The following EDNRA variants were observed in gnomAD, a reference collection of about 807,000 sequenced individuals.
The protein encoded by EDNRA is endothelin-1 receptor.
EDNRA carries 11 observed loss-of-function variants against 41.4 expected under a neutral mutation model. That is an observed-to-expected ratio of 0.27 (90% CI 0.17 to 0.44). The LOEUF (loss-of-function observed/expected upper bound fraction) is 0.44, where lower values mean the gene tolerates loss of function less well. EDNRA is among the 20% of genes least tolerant of loss of function. The pLI is 1.00. For synonymous variants in EDNRA, 172 were observed against 183.0 expected (o/e 0.94, Z 0.49); for missense variants, 294 against 531.0 (o/e 0.55, Z 4.39).
chr4:147,503,699 G>A (rs191287253), intron 2 of EDNRA, among the ~76,000 whole-genome samples: 108 of 152,290 alleles, frequency 7.1e-4, no homozygotes, highest in Middle Eastern at 3.4e-3. Flanking sequence ...GACAAGCTAT[G>A]TGACCTTCAG....
At chr4:147,520,513 T>C (rs1578801836) in intron 3 of EDNRA, 2 of 516,330 alleles carry the variant, frequency 3.9e-6, no homozygotes, top group East Asian at 5.5e-5. Context: ...TCCCGAAGTC[T>C]TTCCAGAATC....
At chr4:147,490,037 T>A (rs1228905068) in intron 2 of EDNRA, 1 of 152,152 alleles carries the variant, frequency 6.6e-6, no homozygotes, top group African/African-American at 2.4e-5. Flanking sequence ...CTGAAGCATT[T>A]ACAGATCCTA....
intron 4 of EDNRA, among the ~76,000 whole-genome samples, chr4:147,533,870 A>T (rs1002435611): frequency 2.0e-5 from 3 of 152,200 alleles, no homozygotes; most frequent in African/African-American, 7.2e-5. Context: ...GTTCAAGTAA[A>T]GGGTAGCTAC....
Position 147,542,459 on chromosome 4 carries a change from A to C in EDNRA, c.1144-19A>C, listed in dbSNP as rs758914353. 2 of 1,613,942 alleles carry C rather than the reference A, an allele frequency of 1.2e-6. No individual in the cohort carries two copies. Among genetic ancestry groups the C allele is most frequent in the Non-Finnish European group, 1.7e-6 (2 of 1,179,912 alleles). On this transcript the variant is annotated intron_variant, in intron 7 of 7. Transcript: ENST00000651419. ...GGGCTGGTAGGCTCGCCTTACTTCG[A>C]GTCTGTTCCTTCCCCCAGTCATGCC...
chr4:147,536,514 G>A (rs1184326069), intron 5 of EDNRA, among the ~76,000 whole-genome samples: 1 of 152,136 alleles, frequency 6.6e-6, no homozygotes, highest in Non-Finnish European at 1.5e-5. Context: ...TGGATGAGGG[G>A]GATTGAACCA....
intron 5 of EDNRA, among the ~76,000 whole-genome samples, chr4:147,538,196 A>G (rs1730978265): frequency 6.6e-6 from 1 of 152,146 alleles, no homozygotes; most frequent in Admixed American, 6.5e-5. Context: ...CTTCAGTCTC[A>G]GGAGACTGTA....
Position 147,532,699 on chromosome 4 carries a change from A to C in EDNRA, c.742A>C (p.Met248Leu). 4 of 1,614,106 alleles carry C rather than the reference A, an allele frequency of 2.5e-6. No homozygotes were observed. The South Asian group carries it at 4.4e-5, about 18-fold the overall frequency. ...TCMLNATSKF[M>L]EFYQDVKDWW... ...TATGCTCAATGCCACATCAAAATTC[A>C]TGGAGGTACTAAACGTTTAAAAGGA... The change falls in exon 4 of 8, where the codon ATG becomes CTG. Residue 248 changes from methionine (M) to leucine (L), a missense_variant. This residue lies in a region of EDNRA where 185 missense variants were observed against 390.8 expected (regional missense o/e 0.47). Coordinates refer to ENST00000651419, the MANE Select transcript of EDNRA (RefSeq NM_001957.4).
At chr4:147,497,547 G>A (rs1477779840) in intron 2 of EDNRA, among the ~76,000 whole-genome samples, 1 of 151,986 alleles carries the variant, frequency 6.6e-6, no homozygotes, top group Non-Finnish European at 1.5e-5. Flanking sequence ...CTGGATACCA[G>A]CGGAGTTTTA....
intron 2 of EDNRA, among the ~76,000 whole-genome samples, chr4:147,487,379 C>G (rs1246618319): frequency 6.6e-6 from 1 of 152,216 alleles, no homozygotes; most frequent in African/African-American, 2.4e-5. Flanking sequence ...TTCAGATATA[C>G]TAAAATTCAA....
intron 1 of EDNRA, among the ~76,000 whole-genome samples, chr4:147,484,906 C>T (rs1728891568): frequency 6.6e-6 from 1 of 152,074 alleles, no homozygotes; most frequent in Non-Finnish European, 1.5e-5. Flanking sequence ...TGGTGTTAAC[C>T]AGAGTTCTCA....
Position 147,543,237 on chromosome 4 carries a change from T to G in EDNRA, c.*619T>G, listed in dbSNP as rs932625725. 1 of 152,154 alleles carries G rather than the reference T, an allele frequency of 6.6e-6. No individual in the cohort carries two copies. Among genetic ancestry groups the G allele is most frequent in the South Asian group, 2.1e-4 (1 of 4,824 alleles). 9.4% of individuals were successfully genotyped at this position (152,154 alleles called of 1,614,324 possible). A position where few individuals can be genotyped will look rare whatever the true frequency, so the allele number is the denominator to read the frequency against. On this transcript the variant is annotated 3_prime_UTR_variant, in exon 8 of 8. Transcript: ENST00000651419. ...ATTAGATTAGTATTTTCCACGTCACTGTTTATTTTTTTAAAACACAAATTC... is the reference window on the plus strand; with the variant it reads ...ATTAGATTAGTATTTTCCACGTCACGGTTTATTTTTTTAAAACACAAATTC...
At chr4:147,524,926 A>T (rs1325680582) in intron 3 of EDNRA, among the ~76,000 whole-genome samples, 2 of 152,218 alleles carry the variant, frequency 1.3e-5, no homozygotes, top group Non-Finnish European at 2.9e-5. Context: ...AAAATAAAAA[A>T]CACTTTTTAA....
chr4:147,532,280 G>C (rs1730774691), intron 3 of EDNRA, among the ~76,000 whole-genome samples: 1 of 144,740 alleles, frequency 6.9e-6, no homozygotes, highest in Non-Finnish European at 1.5e-5. Flanking sequence ...GAGCCGAGAT[G>C]GTGCCACTGC....
chr4:147,534,051 T>TG (rs1730836838), intron 4 of EDNRA, among the ~76,000 whole-genome samples: 1 of 152,234 alleles, frequency 6.6e-6, no homozygotes, highest in Non-Finnish European at 1.5e-5. Flanking sequence ...TAGGCCCCTC[T>TG]CTACCCATGT....
intron 4 of EDNRA, among the ~76,000 whole-genome samples, chr4:147,533,572 G>A (rs777203990): frequency 1.3e-5 from 2 of 152,116 alleles, no homozygotes; most frequent in East Asian, 1.9e-4. Flanking sequence ...TTTTACAGTT[G>A]ACCAGTTATC....
Position 147,520,900 on chromosome 4 carries a change from C to T in EDNRA, c.548+922C>T, listed in dbSNP as rs1730300956. 1.3e-5 allele frequency among the ~76,000 whole-genome samples: 2 copies of T among 152,144 alleles called. 1 individual carries two copies. The highest frequency in any genetic ancestry group is 4.1e-4 in the South Asian group (2 of 4,838). On this transcript the variant is annotated intron_variant, in intron 3 of 7. Coordinates refer to ENST00000651419, the MANE Select transcript of EDNRA (RefSeq NM_001957.4). ...ATTATTGTTAGGACAAAAATTGTTA[C>T]TGTTAAAACATAAAAATGTGCATTC... is the stretch of plus-strand genomic sequence containing the variant.
intron 1 of EDNRA, among the ~76,000 whole-genome samples, chr4:147,482,910 C>T (rs1728821099): frequency 6.6e-6 from 1 of 152,214 alleles, no homozygotes; most frequent in African/African-American, 2.4e-5. Context: ...CTGTAACCGG[C>T]AGAGAGCCAT....
At chr4:147,522,613 A>G (rs1239068696) in intron 3 of EDNRA, among the ~76,000 whole-genome samples, 1 of 152,172 alleles carries the variant, frequency 6.6e-6, no homozygotes, top group Non-Finnish European at 1.5e-5. Flanking sequence ...CAGATAGGGA[A>G]GCTGAGGTTG....
intron 2 of EDNRA, among the ~76,000 whole-genome samples, chr4:147,503,374 A>G (rs756379985): frequency 6.6e-6 from 1 of 152,096 alleles, no homozygotes; most frequent in Non-Finnish European, 1.5e-5. Flanking sequence ...CTGAGCTTCC[A>G]GCATCTAGGC....
Sources: allele counts gnomAD v4.1 joint callset (sites outside exome capture counted in the v4.1 genomes callset), GRCh38; gene constraint gnomAD v4.1.1; regional missense constraint gnomAD v4.1.1; transcripts MANE v1.5; gene names NCBI Gene and HGNC (gene_info 2026-07-23, HGNC 2026-07-21).